PDS5B: variants seen among roughly 807,000 people sequenced by gnomAD.
PDS5B encodes the protein sister chromatid cohesion protein PDS5 homolog B.
PDS5B carries 51 observed loss-of-function variants against 184.1 expected under a neutral mutation model. The observed-to-expected ratio is 0.28, with a 90% CI of 0.22 to 0.35. PDS5B has a LOEUF of 0.35. Among genes scored for constraint, PDS5B ranks in the 10% least tolerant of loss-of-function variants. The pLI, the probability that PDS5B is intolerant of heterozygous loss-of-function variation, is 1.00. For synonymous variants in PDS5B, 566 were observed against 569.2 expected (o/e 0.99, Z 0.08); for missense variants, 1,180 against 1,723.3 (o/e 0.68, Z 5.58).
chr13:32,738,784 G>T (rs1953433660), intron 21 of PDS5B, among the ~76,000 whole-genome samples: 1 of 151,900 alleles, frequency 6.6e-6, no homozygotes, highest in African/African-American at 2.4e-5. Context: ...CCATTCTCCT[G>T]TCTCAGCCTC....
intron 1 of PDS5B, among the ~76,000 whole-genome samples, chr13:32,628,770 A>C (rs1289620952): frequency 7.5e-6 from 1 of 133,350 alleles, no homozygotes; most frequent in Non-Finnish European, 1.8e-5. Flanking sequence ...ATTGGCTAAC[A>C]CTGTTATATT....
In PDS5B at chr13:32,732,143, C is replaced by G. The variant is rs532167750; in HGVS notation, c.2166C>G (p.Pro722=). Residue 722 remains proline (P), a synonymous_variant, in exon 20 of 35, where the codon CCC becomes CCG. Coordinates refer to ENST00000315596, the MANE Select transcript of PDS5B (RefSeq NM_015032.4). Reference sequence around the variant, plus strand: ...TACATCACAAATCTAAAAAAGGACCCCCCCGTCAAGCCAAATATGCCATTC... The same window carrying G: ...TACATCACAAATCTAAAAAAGGACCGCCCCGTCAAGCCAAATATGCCATTC... ...PVLHHKSKKG[P]PRQAKYAIHC... The G allele has an allele frequency of 6.2e-7, 1 of 1,609,772 alleles. No individual in the cohort carries two copies. The highest frequency in any genetic ancestry group is 8.5e-7 in the Non-Finnish European group (1 of 1,177,028).
Position 32,635,001 on chromosome 13 carries a change from C to CTT in PDS5B, c.-19-13733_-19-13732dup, listed in dbSNP as rs4057820. ...ACCTCAGCAATATTTCTTACTGCCT[C>CTT]TTTTTTTTTTTTTTTTTTTTTAAAG... On this transcript the variant is annotated intron_variant, in intron 1 of 34. Coordinates refer to ENST00000315596, the MANE Select transcript of PDS5B (RefSeq NM_015032.4). 3.8e-3 allele frequency among the ~76,000 whole-genome samples: 495 copies of CTT among 129,072 alleles called. 4 individuals carry two copies. The highest frequency in any genetic ancestry group is 0.014 in the South Asian group (59 of 4,096). 84.7% of individuals were successfully genotyped at this position (129,072 alleles called of 152,430 possible).
At chr13:32,593,022 A>C (rs768450151) in intron 1 of PDS5B, among the ~76,000 whole-genome samples, 8 of 152,202 alleles carry the variant, frequency 5.3e-5, no homozygotes, top group Middle Eastern at 3.4e-3. Flanking sequence ...ATTTTTTAGG[A>C]TACTCATAGG....
chr13:32,704,368 C>T (rs553725237), intron 17 of PDS5B, among the ~76,000 whole-genome samples: 1 of 152,202 alleles, frequency 6.6e-6, no homozygotes, highest in Admixed American at 6.5e-5. Flanking sequence ...GGGGTTTCAC[C>T]GTGTTGCCCA....
At position 32,745,964 on chromosome 13, in the gene PDS5B, A is replaced by G. The variant is rs765448490; in HGVS notation, c.2613-13A>G. 5.6e-6 allele frequency: 9 copies of G among 1,596,594 alleles called. No individual in the cohort carries two copies. Among genetic ancestry groups the G allele is most frequent in the Non-Finnish European group, 7.7e-6 (9 of 1,164,840 alleles). On this transcript the variant is annotated splice_polypyrimidine_tract_variant and intron_variant, in intron 23 of 34. Transcript: ENST00000315596. Reference sequence around the variant, plus strand: ...TTAAATGCTAATCTATATTCATTCTACTCATTTTTCAGTAAACCAGATATG... The same window carrying G: ...TTAAATGCTAATCTATATTCATTCTGCTCATTTTTCAGTAAACCAGATATG...
chr13:32,598,100 G>C (rs2057909590), intron 1 of PDS5B, among the ~76,000 whole-genome samples: 1 of 151,946 alleles, frequency 6.6e-6, no homozygotes, highest in African/African-American at 2.4e-5. Context: ...TTTTGAGATG[G>C]AGTCTCACTC....
In PDS5B at chr13:32,595,561, A is replaced by G. The variant is rs114921156; in HGVS notation, c.-20+8968A>G. Among the ~76,000 whole-genome samples the G allele has an allele frequency of 2.4e-3, 371 of 152,362 alleles. 2 individuals carry two copies. The highest frequency in any genetic ancestry group is 8.4e-3 in the African/African-American group (349 of 41,588). ...AGCATGGGATTTCCACAATAGAGGT[A>G]TACACAGAGTCTGTGAGAAGGAGAA... On this transcript the variant is annotated intron_variant, in intron 1 of 34. Coordinates refer to ENST00000315596, the MANE Select transcript of PDS5B (RefSeq NM_015032.4).
At chr13:32,703,878 A>G (rs1182641498) in intron 17 of PDS5B, among the ~76,000 whole-genome samples, 1 of 151,830 alleles carries the variant, frequency 6.6e-6, no homozygotes, top group East Asian at 1.9e-4. Context: ...TTTTTCATTT[A>G]TGTCTTGGCT....
chr13:32,721,654 C>A (rs1373155826), intron 19 of PDS5B, among the ~76,000 whole-genome samples: 1 of 147,862 alleles, frequency 6.8e-6, no homozygotes, highest in Non-Finnish European at 1.5e-5. Context: ...GGCGGCCGGG[C>A]AGAGGCGCTC....
chr13:32,635,453 C>T (rs1298843735), intron 1 of PDS5B, among the ~76,000 whole-genome samples: 10 of 150,594 alleles, frequency 6.6e-5, no homozygotes. Flanking sequence ...AAGTGATTCT[C>T]CTGCCTCAGC....
rs1230211717 is a variant in PDS5B, at chr13:32,675,944, A to C, written c.947A>C (p.Gln316Pro). ...ELASQNKPLW[Q>P]CYLGRFNDIH... ...GCTTCTCAAAACAAGCCACTTTGGC[A>C]GTGCTACTTGGGCAGGTATATGATT... Residue 316 changes from glutamine to proline, a missense_variant, in exon 9 of 35, where the codon CAG becomes CCG. Gln to Pro is a moderately conservative substitution (Grantham distance 76). Around this residue, in one of 11 missense-constraint regions of PDS5B, gnomAD observed 475 missense variants for 691.5 expected, o/e 0.69. Coordinates refer to ENST00000315596, the MANE Select transcript of PDS5B (RefSeq NM_015032.4). 2.3e-5 allele frequency: 37 copies of C among 1,610,224 alleles called. No individual in the cohort carries two copies. The highest frequency in any genetic ancestry group is 2.9e-5 in the Non-Finnish European group (34 of 1,176,504).
chr13:32,687,188 G>A lies in PDS5B; in HGVS notation c.1258G>A (p.Ala420Thr). ...MGLAQIYKKY[A>T]LQSAAGKDAA... ...ACTTGCCCAAATTTATAAGAAATAT[G>A]CTTTACAGTCAGCAGCTGGAAAAGA... is the stretch of plus-strand genomic sequence containing the variant. The change falls in exon 12 of 35, where the codon GCT becomes ACT. Residue 420 changes from alanine to threonine, a missense_variant. This residue lies in a region of PDS5B where 475 missense variants were observed against 691.5 expected (regional missense o/e 0.69). Transcript: ENST00000315596. 6.2e-7 allele frequency: 1 copy of A among 1,610,190 alleles called. No individual in the cohort carries two copies. The highest frequency in any genetic ancestry group is 8.5e-7 in the Non-Finnish European group (1 of 1,178,478).
chr13:32,762,168 A>G (rs1954428109), intron 30 of PDS5B, among the ~76,000 whole-genome samples: 1 of 152,208 alleles, frequency 6.6e-6, no homozygotes, highest in Non-Finnish European at 1.5e-5. Flanking sequence ...TGAGAAAAAC[A>G]AAAGGAAAAT....
intron 2 of PDS5B, among the ~76,000 whole-genome samples, chr13:32,651,478 T>G (rs1950365579): frequency 6.6e-6 from 1 of 152,220 alleles, no homozygotes; most frequent in South Asian, 2.1e-4. Context: ...CTCCTTTTAG[T>G]CCAGTTGTAC....
intron 1 of PDS5B, among the ~76,000 whole-genome samples, chr13:32,640,605 A>G (rs2058644092): frequency 6.6e-6 from 1 of 152,234 alleles, no homozygotes; most frequent in African/African-American, 2.4e-5. Flanking sequence ...ATGTAAATAT[A>G]ATAATATGCA....
rs372050413 is a variant in PDS5B at position 32,673,308 on chromosome 13, T to C, written c.798T>C (p.Asp266=). The change falls in exon 8 of 35, where the codon GAT becomes GAC. Residue 266 remains aspartate (D), a synonymous_variant. Transcript: ENST00000315596. The stretch of plus-strand genomic sequence containing the variant: ...TAATTTTGGAGCTCTACAATATTGA[T>C]AGTCATTTGCTGCTCTCTGTTTTAC... The part of the protein sequence containing the change: ...FDLILELYNI[D]SHLLLSVLPQ... 1,103 of 1,612,952 alleles carry C rather than the reference T, an allele frequency of 6.8e-4. 1 individual carries two copies. Among genetic ancestry groups the C allele is most frequent in the Admixed American group, 9.0e-4 (54 of 60,004 alleles).
rs565182743 is a variant in PDS5B at position 32,758,401 on chromosome 13, A to G, written c.3190-133A>G. 17 of 972,196 alleles carry G rather than the reference A, an allele frequency of 1.7e-5. No homozygotes were observed. The South Asian group carries it at 3.1e-4, about 18-fold the overall frequency. The allele number at this position is 972,196 out of a possible 1,614,324, so 60.2% of individuals were successfully genotyped here. On this transcript the variant is annotated intron_variant, in intron 27 of 34. Transcript: ENST00000315596. ...ATGAGCAAAACCAGTAGTGTAAGCT[A>G]AGATGCTTACACAGACTGTTGCTTT...
chr13:32,595,064 G>A (rs768924790), intron 1 of PDS5B, among the ~76,000 whole-genome samples: 2 of 152,038 alleles, frequency 1.3e-5, no homozygotes, highest in Non-Finnish European at 2.9e-5. Flanking sequence ...CTAGTGCACT[G>A]TTGGACACAA....
Sources: gnomAD v4.1 joint callset for allele counts (sites outside exome capture counted in the v4.1 genomes callset) on GRCh38, gnomAD v4.1.1 for gene constraint, gnomAD v4.1.1 regional missense constraint, MANE v1.5 for transcripts, NCBI Gene and HGNC (gene_info 2026-07-23, HGNC 2026-07-21) for gene names.